The following SLC12A2 variants were observed in gnomAD, a reference collection of about 807,000 sequenced individuals.
The protein encoded by SLC12A2 is solute carrier family 12 member 2.
Under a neutral mutation model 136.3 loss-of-function variants are expected in SLC12A2, and 67 were observed. That is an observed-to-expected ratio of 0.49 (90% CI 0.40 to 0.60). The LOEUF is 0.60. Among genes scored for constraint, SLC12A2 ranks in the 20% least tolerant of loss-of-function variants. The pLI is 0.00. For missense variants in SLC12A2, 1,322 were observed against 1,534.7 expected, an observed-to-expected ratio of 0.86 and a Z score of 2.32; for synonymous variants, 619 against 562.9, an observed-to-expected ratio of 1.10 and a Z score of -1.41.
At position 128,084,665 on chromosome 5, in the gene SLC12A2, G is replaced by A; in HGVS notation, c.711G>A (p.Lys237=). The change falls in exon 1 of 27, where the codon AAG becomes AAA. Residue 237 remains lysine (K), a synonymous_variant. Transcript: ENST00000262461. This position sits in a 1 kb window ranked among gnomAD's most constrained non-coding sequence, Gnocchi z 5.6. ...ACACAGCCGCGCAGCTGGGCGAGAA[G>A]CTGCTCCGGCCTAGCCTGGCGGAGC... ...YRHTAAQLGE[K]LLRPSLAELH... 6.2e-7 allele frequency: 1 copy of A among 1,612,060 alleles called. No homozygotes were observed. The highest frequency in any genetic ancestry group is 8.5e-7 in the Non-Finnish European group (1 of 1,179,296).
chr5:128,158,269 G>T, intron 16 of SLC12A2, 105 bp downstream of exon 16: 1 of 795,420 alleles, frequency 1.3e-6, no homozygotes, highest in Non-Finnish European at 2.0e-6. Context: ...GTGTGTCACA[G>T]GGGTTTGGTG....
intron 1 of SLC12A2, among the ~76,000 whole-genome samples, chr5:128,108,489 A>G (rs1761027760): frequency 6.6e-6 from 1 of 152,230 alleles, no homozygotes; most frequent in Admixed American, 6.5e-5. Context: ...AAGTACTGAT[A>G]CATGTTATAA....
chr5:128,092,234 C>G (rs988723744), intron 1 of SLC12A2, among the ~76,000 whole-genome samples: 2 of 152,234 alleles, frequency 1.3e-5, no homozygotes, highest in African/African-American at 4.8e-5. Flanking sequence ...TATCTCAATA[C>G]CTCTCATTGT....
intron 1 of SLC12A2, among the ~76,000 whole-genome samples, chr5:128,107,385 T>C (rs1287820580): frequency 6.6e-6 from 1 of 152,222 alleles, no homozygotes; most frequent in Admixed American, 6.5e-5. Context: ...GGTGGTTTGC[T>C]GCACCCATCA....
intron 16 of SLC12A2, 85 bp downstream of exon 16, chr5:128,158,249 T>C: frequency 2.1e-6 from 2 of 972,486 alleles, no homozygotes; most frequent in South Asian, 1.6e-5. Flanking sequence ...GTTTGTTATG[T>C]AGCTAAATTG....
Position 128,150,108 on chromosome 5 carries a change from C to CA in SLC12A2, c.2107+11dup. The stretch of plus-strand genomic sequence containing the variant: ...CTTGCAAAATCTCCAGGTAATTTTA[C>CA]ATTTTTAAAAAAGTTTGTAAATATC... On this transcript the variant is annotated intron_variant, in intron 13 of 26. Transcript: ENST00000262461. 2.6e-6 allele frequency: 4 copies of CA among 1,524,104 alleles called. No individual in the cohort carries two copies. Among genetic ancestry groups the CA allele is most frequent in the Non-Finnish European group, 3.6e-6 (4 of 1,108,426 alleles). 94.4% of individuals were successfully genotyped at this position (1,524,104 alleles called of 1,614,324 possible).
At chr5:128,173,869 A>T (rs1280227232) in intron 19 of SLC12A2, among the ~76,000 whole-genome samples, 1 of 152,170 alleles carries the variant, frequency 6.6e-6, no homozygotes. Flanking sequence ...ACTAACTCTG[A>T]CAAAGAGAAA....
chr5:128,149,982 G>T lies in SLC12A2; in HGVS notation c.2006-15G>T. ...TCTAATACGTCAGTAAATCTCGCAT[G>T]TGTTTGTTCTGCAGCTGAACTGAAT... is the stretch of plus-strand genomic sequence containing the variant. On this transcript the variant is annotated splice_polypyrimidine_tract_variant and intron_variant, in intron 12 of 26. Coordinates refer to ENST00000262461, the MANE Select transcript of SLC12A2 (RefSeq NM_001046.3). 1 of 1,557,884 alleles carries T rather than the reference G, an allele frequency of 6.4e-7. No homozygotes were observed. The highest frequency in any genetic ancestry group is 1.1e-5 in the South Asian group (1 of 89,500).
intron 1 of SLC12A2, among the ~76,000 whole-genome samples, chr5:128,085,280 G>C (rs1324613786): frequency 1.3e-5 from 2 of 151,876 alleles, no homozygotes; most frequent in African/African-American, 4.8e-5. Flanking sequence ...CTTGGGACAC[G>C]CTGTTCCTAA....
In SLC12A2 at chr5:128,134,075, C is replaced by T. The variant is rs952402253; in HGVS notation, c.1189-90C>T. 1.0e-5 allele frequency: 7 copies of T among 678,690 alleles called. No homozygotes were observed. In the Admixed American group the frequency reaches 1.6e-4, roughly 16 times the overall value. The allele number at this position is 678,690 out of a possible 1,614,324, so 42.0% of individuals were successfully genotyped here. ...TTATTCAACTTCTTCATGTAAGGCA[C>T]CGTAATATCTCTAAAATGTTTCAAA... On this transcript the variant is annotated intron_variant, in intron 5 of 26. Transcript: ENST00000262461.
At chr5:128,105,968 A>T (rs1021869072) in intron 1 of SLC12A2, among the ~76,000 whole-genome samples, 1 of 152,120 alleles carries the variant, frequency 6.6e-6, no homozygotes, top group African/African-American at 2.4e-5. Flanking sequence ...CAACATGTTC[A>T]ACTGAATCTT....
At chr5:128,100,501 T>C (rs1760707076) in intron 1 of SLC12A2, among the ~76,000 whole-genome samples, 1 of 152,134 alleles carries the variant, frequency 6.6e-6, no homozygotes, top group African/African-American at 2.4e-5. Context: ...TGAAAATATC[T>C]GAAATATGAA....
chr5:128,177,629 A>G (rs1763576535), intron 21 of SLC12A2: 1 of 154,210 alleles, frequency 6.5e-6, no homozygotes, highest in South Asian at 2.0e-4. Flanking sequence ...TTTTATGAGA[A>G]GGAGATAGAG....
rs377679928 is a variant in SLC12A2, at chr5:128,099,987, C to T, written c.757-12827C>T. On this transcript the variant is annotated intron_variant, in intron 1 of 26. Coordinates refer to ENST00000262461, the MANE Select transcript of SLC12A2 (RefSeq NM_001046.3). ...TAATAAAAATTGTAAGTACATAAAC[C>T]GGTAACATATTTATTATTGTTATCA... Among the ~76,000 whole-genome samples, 268 of 151,958 alleles carry T rather than the reference C, an allele frequency of 1.8e-3. 1 individual carries two copies. Among genetic ancestry groups the T allele is most frequent in the South Asian group, 0.017 (81 of 4,806 alleles).
chr5:128,169,987 T>C (rs1193905494), intron 18 of SLC12A2: 1 of 152,176 alleles, frequency 6.6e-6, no homozygotes, highest in African/African-American at 2.4e-5. Context: ...CCATGTAAAT[T>C]AATAGCAGTT....
chr5:128,181,072 T>G, intron 23 of SLC12A2, 78 bp downstream of exon 23: 1 of 902,262 alleles, frequency 1.1e-6, no homozygotes, highest in East Asian at 2.4e-5. Flanking sequence ...GGATAAAAAT[T>G]AGACAATCCA....
Position 128,112,836 on chromosome 5 carries a change from C to T in SLC12A2, c.779C>T (p.Ala260Val). 1.2e-6 allele frequency: 2 copies of T among 1,610,304 alleles called. No homozygotes were observed. Among genetic ancestry groups the T allele is most frequent in the Non-Finnish European group, 1.7e-6 (2 of 1,178,080 alleles). ...LEKEPFEDGFANGEESTPTRD... is the reference protein window; with the variant it reads ...LEKEPFEDGFVNGEESTPTRD... ...CAGGAACCTTTTGAGGATGGCTTTG[C>T]AAATGGGGAAGAAAGTACTCCAACC... is the stretch of plus-strand genomic sequence containing the variant. The change falls in exon 2 of 27, where the codon GCA becomes GTA. Residue 260 changes from alanine (A) to valine (V), a missense_variant. Ala to Val is a moderately conservative substitution (Grantham distance 64). This residue lies in a region of SLC12A2 where 59 missense variants were observed against 51.5 expected (regional missense o/e 1.15). Coordinates refer to ENST00000262461, the MANE Select transcript of SLC12A2 (RefSeq NM_001046.3).
chr5:128,087,494 C>G (rs1363315388), intron 1 of SLC12A2, among the ~76,000 whole-genome samples: 1 of 152,130 alleles, frequency 6.6e-6, no homozygotes, highest in Admixed American at 6.5e-5. Context: ...GACATTGAAG[C>G]TGAGACCTGA....
intron 1 of SLC12A2, among the ~76,000 whole-genome samples, chr5:128,085,767 CTCATACAGTGATT>C (rs1170244039): frequency 3.3e-5 from 5 of 152,136 alleles, no homozygotes. Context: ...ATTATTTGAT[CTCATACAGTGATT>C]TCATACAAGA....
Sources: gnomAD v4.1 joint callset for allele counts (sites outside exome capture counted in the v4.1 genomes callset) on GRCh38, gnomAD v4.1.1 for gene constraint, gnomAD v4.1.1 regional missense constraint, Gnocchi (gnomAD v3.1) non-coding constraint, MANE v1.5 for transcripts, NCBI Gene and HGNC (gene_info 2026-07-23, HGNC 2026-07-21) for gene names.